The following LRP1B variants were observed in gnomAD, a reference collection of about 807,000 sequenced individuals.
The protein encoded by LRP1B is low-density lipoprotein receptor-related protein 1B.
A neutral mutation model predicts 556.6 loss-of-function variants in LRP1B; 217 were observed. The ratio of observed to expected loss-of-function variants is 0.39; its 90% CI spans 0.35 to 0.44. The LOEUF (loss-of-function observed/expected upper bound fraction) is 0.44, where lower values mean the gene tolerates loss of function less well. Among genes scored for constraint, LRP1B ranks in the 20% least tolerant of loss-of-function variants. The pLI is 1.00. For synonymous variants in LRP1B, 2,047 were observed against 1,865.8 expected (o/e 1.10, Z -2.50); for missense variants, 5,053 against 5,620.8 (o/e 0.90, Z 3.23).
intron 41 of LRP1B, among the ~76,000 whole-genome samples, chr2:140,654,261 T>C (rs1684794377): frequency 6.6e-6 from 1 of 152,136 alleles, no homozygotes; most frequent in African/African-American, 2.4e-5. Flanking sequence ...TGGATTACTG[T>C]TATAATCAGA....
intron 6 of LRP1B, among the ~76,000 whole-genome samples, chr2:141,212,230 T>C (rs1005821839): frequency 7.5e-6 from 1 of 133,502 alleles, no homozygotes; most frequent in South Asian, 2.6e-4. Flanking sequence ...CCCCAAGATA[T>C]ATTGATCAAA....
intron 7 of LRP1B, among the ~76,000 whole-genome samples, chr2:141,169,131 C>T (rs1048489926): frequency 1.1e-4 from 17 of 151,308 alleles, no homozygotes; most frequent in Admixed American, 9.9e-4. Flanking sequence ...ACAAAAAATA[C>T]AAAAATTAGC....
intron 3 of LRP1B, among the ~76,000 whole-genome samples, chr2:141,337,900 C>T (rs984142341): frequency 6.6e-6 from 1 of 152,126 alleles, no homozygotes; most frequent in Admixed American, 6.5e-5. Context: ...TTGAGATATT[C>T]TTGGTTCTTT....
rs114496154 is a variant in LRP1B, at chr2:141,876,864, G to A, written c.83-66463C>T. Among the ~76,000 whole-genome samples, 390 of 151,678 alleles carry A rather than the reference G, an allele frequency of 2.6e-3. 1 individual carries two copies. The highest frequency in any genetic ancestry group is 3.2e-3 in the Admixed American group (49 of 15,176). ...ACCTGAAAACACGACTTGAAGATTC[G>A]ATTAAAGTCTTGAGTACTTTATCAA... is the stretch of plus-strand genomic sequence containing the variant. On this transcript the variant is annotated intron_variant, in intron 1 of 90. Transcript: ENST00000389484.
chr2:141,406,605 CATATT>C (rs753606588), intron 3 of LRP1B, among the ~76,000 whole-genome samples: 12 of 151,422 alleles, frequency 7.9e-5, no homozygotes, highest in Admixed American at 4.6e-4. Flanking sequence ...ATCTATCTTA[CATATT>C]ATATGTGTTT....
At chr2:141,099,770 C>G (rs1048177806) in intron 7 of LRP1B, among the ~76,000 whole-genome samples, 1 of 152,160 alleles carries the variant, frequency 6.6e-6, no homozygotes, top group East Asian at 1.9e-4. Flanking sequence ...GGGCTGTCAA[C>G]TAAATATAGG....
chr2:140,890,444 G>T (rs2105200488), intron 23 of LRP1B, among the ~76,000 whole-genome samples: 1 of 152,152 alleles, frequency 6.6e-6, no homozygotes, highest in Non-Finnish European at 1.5e-5. Flanking sequence ...TTTGAACAAT[G>T]ACCTTTACAT....
At chr2:140,836,034 AT>A (rs560430351) in intron 31 of LRP1B, among the ~76,000 whole-genome samples, 118 of 152,324 alleles carry the variant, frequency 7.7e-4, no homozygotes, top group African/African-American at 2.7e-3. Flanking sequence ...ACACATCTGT[AT>A]GTACATATCA....
intron 66 of LRP1B, among the ~76,000 whole-genome samples, chr2:140,403,492 T>A (rs923582271): frequency 6.6e-6 from 1 of 151,960 alleles, no homozygotes; most frequent in African/African-American, 2.4e-5. Context: ...GTGACAAGTA[T>A]CCCCAATAGA....
At chr2:141,846,511 T>C (rs755968083) in intron 1 of LRP1B, among the ~76,000 whole-genome samples, 1 of 151,562 alleles carries the variant, frequency 6.6e-6, no homozygotes, top group Non-Finnish European at 1.5e-5. Flanking sequence ...TGTGGGGAGC[T>C]ATTATTCCCT....
intron 43 of LRP1B, among the ~76,000 whole-genome samples, chr2:140,564,418 ATCATATAAG>A (rs775795479): frequency 2.0e-5 from 3 of 152,160 alleles, no homozygotes; most frequent in Admixed American, 6.5e-5. Flanking sequence ...AATCAAATAT[ATCATATAAG>A]TGTTATTTCT....
At chr2:141,913,261 G>A (rs910653252) in intron 1 of LRP1B, among the ~76,000 whole-genome samples, 4 of 152,204 alleles carry the variant, frequency 2.6e-5, no homozygotes, top group African/African-American at 9.7e-5. Flanking sequence ...AAGGAACTGT[G>A]AGGAACTAAC....
At chr2:141,465,849 AGCATGACTTTT>A (rs1682172322) in intron 3 of LRP1B, among the ~76,000 whole-genome samples, 1 of 151,462 alleles carries the variant, frequency 6.6e-6, no homozygotes, top group African/African-American at 2.4e-5. Context: ...CCTGGCCTAT[AGCATGACTTTT>A]ATACCTCTCA....
intron 1 of LRP1B, among the ~76,000 whole-genome samples, chr2:142,054,012 A>C (rs1341160768): frequency 6.6e-6 from 1 of 152,136 alleles, no homozygotes; most frequent in Non-Finnish European, 1.5e-5. Flanking sequence ...GAGTTCAGGG[A>C]AGAAACCCTC....
chr2:141,222,728 T>C (rs141908713), intron 6 of LRP1B, among the ~76,000 whole-genome samples: 140 of 152,228 alleles, frequency 9.2e-4, no homozygotes, highest in Middle Eastern at 3.4e-3. Context: ...GCAAGGCTGG[T>C]TGAACATATG....
intron 1 of LRP1B, among the ~76,000 whole-genome samples, chr2:141,878,831 C>T (rs1369533): frequency 0.17 from 25,407 of 151,656 alleles, 2,439 homozygotes; most frequent in East Asian, 0.31. Flanking sequence ...ATTTATGGGA[C>T]AGAAGGGCAG....
intron 3 of LRP1B, among the ~76,000 whole-genome samples, chr2:141,281,458 C>T (rs1685506530): frequency 6.6e-6 from 1 of 151,924 alleles, no homozygotes; most frequent in Non-Finnish European, 1.5e-5. Flanking sequence ...ATAAATATGC[C>T]AATCACTAAT....
Position 140,704,349 on chromosome 2 carries a change from C to T in LRP1B, c.6024-1796G>A, listed in dbSNP as rs1686751154. Among the ~76,000 whole-genome samples, 9 of 151,926 alleles carry T rather than the reference C, an allele frequency of 5.9e-5. No individual in the cohort carries two copies. In the South Asian group the frequency reaches 1.9e-3, roughly 32 times the overall value. On this transcript the variant is annotated intron_variant, in intron 37 of 90. Coordinates refer to ENST00000389484, the MANE Select transcript of LRP1B (RefSeq NM_018557.3). ...ATAGTTGATATTTTTCTTGAAAATG[C>T]TGTGTAAAATAAACATTGTAGAGTT...
At chr2:141,821,423 C>T (rs1696748614) in intron 1 of LRP1B, among the ~76,000 whole-genome samples, 1 of 152,154 alleles carries the variant, frequency 6.6e-6, no homozygotes, top group Non-Finnish European at 1.5e-5. Flanking sequence ...TCTACTTTTA[C>T]ATAAATTGGC....
Sources: gnomAD v4.1 joint callset for allele counts (sites outside exome capture counted in the v4.1 genomes callset) on GRCh38, gnomAD v4.1.1 for gene constraint, MANE v1.5 for transcripts, NCBI Gene and HGNC (gene_info 2026-07-23, HGNC 2026-07-21) for gene names.